C5AR1: variants seen among roughly 807,000 people sequenced by gnomAD.
C5AR1 encodes C5a anaphylatoxin chemotactic receptor 1.
In C5AR1, 4 loss-of-function variants were observed where a neutral mutation model predicts 2.4. The observed-to-expected ratio is 1.65, with a 90% CI of 0.81 to 3.77. The LOEUF (loss-of-function observed/expected upper bound fraction) is 3.77. Among genes scored for constraint, C5AR1 ranks in the 30% most tolerant of loss-of-function variants. The probability of loss-of-function intolerance (pLI) is 0.01; values close to 1 mark genes in which losing one functional copy is unlikely to be tolerated. For missense variants in C5AR1, 418 were observed against 462.5 expected (o/e 0.90, Z 0.88); for synonymous variants, 209 against 210.4 (o/e 0.99, Z 0.06).
At chr19:47,309,943 C>T (rs2059264786) in intron 1 of C5AR1, 45 bp downstream of exon 1, 1 of 1,604,638 alleles carries the variant, frequency 6.2e-7, no homozygotes, top group Admixed American at 1.7e-5. Context: ...TGTCCTGGGT[C>T]CCTCCCATCT....
At chr19:47,309,614 A>C (rs1462732796), upstream of C5AR1, among the ~76,000 whole-genome samples, 3 of 150,080 alleles carry the variant, frequency 2.0e-5, no homozygotes, top group Non-Finnish European at 4.4e-5. Flanking sequence ...GATGGCCCCA[A>C]ATAGGGAAAC....
chr19:47,320,699 C>T lies in C5AR1; in HGVS notation c.922C>T (p.Gln308Ter). The change falls in exon 2 of 2, where the codon CAG (glutamine) becomes TAG (stop). Residue 308 changes from glutamine to a stop codon, truncating the protein, a stop_gained. Coordinates refer to ENST00000355085, the MANE Select transcript of C5AR1 (RefSeq NM_001736.4). LOFTEE classifies it low-confidence loss of function (END_TRUNC). The surrounding 1 kb of genome is among the most constrained non-coding windows in gnomAD (Gnocchi z 4.9). Reference sequence around the variant, plus strand: ...CTACGTGGTGGCCGGCCAGGGCTTCCAGGGCCGACTGCGGAAATCCCTCCC... The same window carrying T: ...CTACGTGGTGGCCGGCCAGGGCTTCTAGGGCCGACTGCGGAAATCCCTCCC... The part of the protein sequence containing the change: ...IIYVVAGQGF[Q>*]GRLRKSLPSL... The T allele has an allele frequency of 6.2e-7, 1 of 1,614,180 alleles. No homozygotes were observed. The highest frequency in any genetic ancestry group is 8.5e-7 in the Non-Finnish European group (1 of 1,180,038).
intron 1 of C5AR1, among the ~76,000 whole-genome samples, chr19:47,319,303 C>CTTT (rs2059300269): frequency 1.5e-5 from 1 of 67,296 alleles, no homozygotes; most frequent in African/African-American, 5.5e-5. Flanking sequence ...GGAATCATTT[C>CTTT]ATTTTTTTTT....
At chr19:47,317,871 C>T (rs1009185868) in intron 1 of C5AR1, among the ~76,000 whole-genome samples, 1 of 151,700 alleles carries the variant, frequency 6.6e-6, no homozygotes, top group African/African-American at 2.4e-5. Context: ...GTCCCAGCTA[C>T]TCAGGAGGCT....
In C5AR1 at chr19:47,320,623, C is replaced by T. The variant is rs144060719; in HGVS notation, c.846C>T (p.Asp282=). The T allele has an allele frequency of 6.2e-7, 1 of 1,614,100 alleles. No homozygotes were observed. The highest frequency in any genetic ancestry group is 8.5e-7 in the Non-Finnish European group (1 of 1,179,986). The change falls in exon 2 of 2, where the codon GAC becomes GAT. Residue 282 remains aspartate (D), a synonymous_variant. Coordinates refer to ENST00000355085, the MANE Select transcript of C5AR1 (RefSeq NM_001736.4). The surrounding 1 kb of genome is among the most constrained non-coding windows in gnomAD (Gnocchi z 4.9). ...SPTFLLLKKL[D]SLCVSFAYIN... ...CCTTCCTGCTGCTGAAGAAGCTGGACTCCCTGTGTGTCTCCTTTGCCTACA... is the reference window on the plus strand; with the variant it reads ...CCTTCCTGCTGCTGAAGAAGCTGGATTCCCTGTGTGTCTCCTTTGCCTACA...
Position 47,320,432 on chromosome 19 carries a change from A to T in C5AR1, c.655A>T (p.Thr219Ser), listed in dbSNP as rs1201969599. Residue 219 changes from threonine to serine, a missense_variant, in exon 2 of 2, where the codon ACG becomes TCG. Coordinates refer to ENST00000355085, the MANE Select transcript of C5AR1 (RefSeq NM_001736.4). This position sits in a 1 kb window ranked among gnomAD's most constrained non-coding sequence, Gnocchi z 4.9. ...CTTCCTGTGGCCTCTACTCACGCTC[A>T]CGATTTGTTACACTTTCATCCTGCT... ...LGFLWPLLTL[T>S]ICYTFILLRT... 6.2e-7 allele frequency: 1 copy of T among 1,611,442 alleles called. No homozygotes were observed. The highest frequency in any genetic ancestry group is 1.1e-5 in the South Asian group (1 of 91,078).
At chr19:47,313,440 T>C (rs1417561096) in intron 1 of C5AR1, among the ~76,000 whole-genome samples, 1 of 151,814 alleles carries the variant, frequency 6.6e-6, no homozygotes, top group Non-Finnish European at 1.5e-5. Context: ...TAGGCCTGCC[T>C]GGTAGCCACT....
rs200043362 is a variant in C5AR1, at chr19:47,309,866, C to T, written c.-30C>T. Reference sequence around the variant, plus strand: ...ACAGCCCTTGGGCAGGAGGGACCTTCGATCCTCGGGGAGCCCAGGAGACCA... The same window carrying T: ...ACAGCCCTTGGGCAGGAGGGACCTTTGATCCTCGGGGAGCCCAGGAGACCA... On this transcript the variant is annotated 5_prime_UTR_variant, in exon 1 of 2. Coordinates refer to ENST00000355085, the MANE Select transcript of C5AR1 (RefSeq NM_001736.4). The T allele has an allele frequency of 6.4e-5, 103 of 1,611,842 alleles. No homozygotes were observed. Among genetic ancestry groups the T allele is most frequent in the Non-Finnish European group, 8.6e-5 (101 of 1,178,982 alleles).
intron 1 of C5AR1, 130 bp downstream of exon 1, chr19:47,310,028 CCT>C (rs924927354): frequency 2.2e-5 from 20 of 916,456 alleles, no homozygotes; most frequent in Middle Eastern, 4.4e-4. Context: ...CTTCTCTCTC[CCT>C]GTCTTCCACC....
chr19:47,317,285 T>C (rs1043349886), intron 1 of C5AR1, among the ~76,000 whole-genome samples: 1 of 151,120 alleles, frequency 6.6e-6, no homozygotes, highest in Non-Finnish European at 1.5e-5. Flanking sequence ...GGCCGGAGGA[T>C]TGCTTGAACC....
Position 47,321,001 on chromosome 19 carries a change from A to G in C5AR1, c.*171A>G, listed in dbSNP as rs2059308695. ...CTCCTTTTCCAGCGGGACTCTTCTC[A>G]TCCTTCCTCATTTGCAAGGTGAACA... On this transcript the variant is annotated 3_prime_UTR_variant, in exon 2 of 2. Coordinates refer to ENST00000355085, the MANE Select transcript of C5AR1 (RefSeq NM_001736.4). The G allele has an allele frequency of 7.0e-6, 4 of 569,482 alleles. No individual in the cohort carries two copies. The highest frequency in any genetic ancestry group is 5.8e-5 in the African/African-American group (3 of 51,540). 35.3% of individuals were successfully genotyped at this position (569,482 alleles called of 1,614,324 possible).
At chr19:47,313,004 T>C (rs937883374) in intron 1 of C5AR1, among the ~76,000 whole-genome samples, 2 of 152,186 alleles carry the variant, frequency 1.3e-5, no homozygotes, top group African/African-American at 4.8e-5. Flanking sequence ...AGACAGAGTC[T>C]CGCTCTGTCA....
At chr19:47,319,632 C>T in intron 1 of C5AR1, 149 bp from the exon 2 acceptor site, 1 of 621,660 alleles carries the variant, frequency 1.6e-6, no homozygotes, top group Admixed American at 2.9e-5. Flanking sequence ...AGTGGTGTGA[C>T]ACCCTAGTTG....
At position 47,318,880 on chromosome 19, in the gene C5AR1, T is replaced by TG. The variant is rs1460887274; in HGVS notation, c.4-901_4-900insG. The stretch of plus-strand genomic sequence containing the variant: ...AGAAGTGATCAGGACCTTTTTGTTC[T>TG]ATTTTTTTTTTTTTTTTTTTTTTTA... On this transcript the variant is annotated intron_variant, in intron 1 of 1. Transcript: ENST00000355085. Among the ~76,000 whole-genome samples the TG allele has an allele frequency of 1.1e-4, 8 of 75,234 alleles. No individual in the cohort carries two copies. The East Asian group carries it at 2.3e-3, about 22-fold the overall frequency. The allele number at this position is 75,234 out of a possible 152,430, so 49.4% of individuals were successfully genotyped here.
At chr19:47,311,772 G>T (rs1390885604) in intron 1 of C5AR1, among the ~76,000 whole-genome samples, 3 of 151,988 alleles carry the variant, frequency 2.0e-5, no homozygotes, top group African/African-American at 4.8e-5. Flanking sequence ...CACCATGTTG[G>T]CCAGGCTGGT....
At chr19:47,311,016 A>C (rs1257617547) in intron 1 of C5AR1, among the ~76,000 whole-genome samples, 1 of 152,190 alleles carries the variant, frequency 6.6e-6, no homozygotes, top group Non-Finnish European at 1.5e-5. Flanking sequence ...CACCTGCTGT[A>C]ACACAGGCAT....
At chr19:47,319,304 ATT>A (rs34731685) in intron 1 of C5AR1, among the ~76,000 whole-genome samples, 27 of 94,140 alleles carry the variant, frequency 2.9e-4, no homozygotes, top group African/African-American at 1.1e-3. Flanking sequence ...GAATCATTTC[ATT>A]TTTTTTTTTT....
chr19:47,308,286 C>T (rs1389644736), upstream of C5AR1, among the ~76,000 whole-genome samples: 5 of 151,206 alleles, frequency 3.3e-5, no homozygotes, highest in African/African-American at 9.7e-5. Flanking sequence ...GGGTTGCAAG[C>T]TCCTTATGAG....
chr19:47,320,632 T>C lies in C5AR1; in HGVS notation c.855T>C (p.Cys285=). 6.2e-7 allele frequency: 1 copy of C among 1,614,144 alleles called. No homozygotes were observed. Among genetic ancestry groups the C allele is most frequent in the Non-Finnish European group, 8.5e-7 (1 of 1,180,008 alleles). ...TGCTGAAGAAGCTGGACTCCCTGTG[T>C]GTCTCCTTTGCCTACATCAACTGCT... ...FLLLKKLDSL[C]VSFAYINCCI... is the part of the protein sequence containing the mutation. The change falls in exon 2 of 2, where the codon TGT becomes TGC. Residue 285 remains cysteine, a synonymous_variant. Transcript: ENST00000355085. This position sits in a 1 kb window ranked among gnomAD's most constrained non-coding sequence, Gnocchi z 4.9.
Sources: gnomAD v4.1 joint callset for allele counts (sites outside exome capture counted in the v4.1 genomes callset) on GRCh38, gnomAD v4.1.1 for gene constraint, Gnocchi (gnomAD v3.1) non-coding constraint, MANE v1.5 for transcripts, NCBI Gene and HGNC (gene_info 2026-07-23, HGNC 2026-07-21) for gene names.